Variants in ZNF277 observed in about 807,000 individuals in gnomAD.
The protein encoded by ZNF277 is nuclear receptor-interacting factor 4.
A neutral mutation model predicts 60.7 loss-of-function variants in ZNF277; 55 were observed. The ratio of observed to expected loss-of-function variants is 0.91; its 90% CI spans 0.73 to 1.13. ZNF277 has a LOEUF of 1.13. Among genes scored for constraint, ZNF277 ranks in the 50% most tolerant of loss-of-function variants. The probability of loss-of-function intolerance (pLI) is 0.00; values close to 1 mark genes in which losing one functional copy is unlikely to be tolerated. For synonymous variants in ZNF277, 178 were observed against 179.3 expected, an observed-to-expected ratio of 0.99 and a Z score of 0.06; for missense variants, 510 against 523.0, an observed-to-expected ratio of 0.98 and a Z score of 0.24.
intron 8 of ZNF277, among the ~76,000 whole-genome samples, chr7:112,336,936 T>G (rs115112395): frequency 0.017 from 2,604 of 152,300 alleles, 75 homozygotes; most frequent in African/African-American, 0.06. Context: ...GGTGGCTCCC[T>G]CCTGGATGGA....
chr7:112,311,973 T>G (rs1792742335), intron 4 of ZNF277, among the ~76,000 whole-genome samples: 1 of 152,060 alleles, frequency 6.6e-6, no homozygotes. Flanking sequence ...CTACCTAGAC[T>G]CCTATTAACT....
chr7:112,286,961 T>C lies in ZNF277; in HGVS notation c.180T>C (p.Cys60=). The C allele has an allele frequency of 6.2e-7, 1 of 1,613,858 alleles. No homozygotes were observed. The highest frequency in any genetic ancestry group is 8.5e-7 in the Non-Finnish European group (1 of 1,179,972). The part of the protein sequence containing the change: ...TTLEGSPSVP[C]IFCEEHFPVA... ...TAGAAGGTTCTCCATCTGTGCCTTGTATTTTCTGTGAAGAACATTTTCCTG... is the reference window on the plus strand; with the variant it reads ...TAGAAGGTTCTCCATCTGTGCCTTGCATTTTCTGTGAAGAACATTTTCCTG... Residue 60 remains cysteine (C), a synonymous_variant, in exon 2 of 12, where the codon TGT becomes TGC. Transcript: ENST00000361822.
intron 7 of ZNF277, among the ~76,000 whole-genome samples, chr7:112,331,192 G>A (rs1442835816): frequency 6.6e-6 from 1 of 152,126 alleles, no homozygotes; most frequent in Non-Finnish European, 1.5e-5. Context: ...TGGAGACAGT[G>A]GGGGATGGGG....
intron 6 of ZNF277, among the ~76,000 whole-genome samples, chr7:112,328,676 G>A (rs1793156820): frequency 6.6e-6 from 1 of 152,092 alleles, no homozygotes; most frequent in African/African-American, 2.4e-5. Context: ...TTTGAGACCA[G>A]CCTGACCAAC....
intron 1 of ZNF277, among the ~76,000 whole-genome samples, chr7:112,245,589 C>G (rs1362679130): frequency 6.6e-6 from 1 of 152,164 alleles, no homozygotes; most frequent in Non-Finnish European, 1.5e-5. Context: ...GGTTTCTTCT[C>G]GACTGTGAGG....
chr7:112,240,097 G>C (rs1017592485), intron 1 of ZNF277, among the ~76,000 whole-genome samples: 1 of 152,040 alleles, frequency 6.6e-6, no homozygotes, highest in Admixed American at 6.6e-5. Context: ...AAATCAAAAA[G>C]CCTACAACAG....
chr7:112,213,147 A>G (rs1173922744), intron 1 of ZNF277, among the ~76,000 whole-genome samples: 1 of 152,166 alleles, frequency 6.6e-6, no homozygotes, highest in African/African-American at 2.4e-5. Context: ...AATAAGTCTC[A>G]TGAGATCTGA....
At chr7:112,223,487 G>A (rs1335746828) in intron 1 of ZNF277, among the ~76,000 whole-genome samples, 1 of 152,220 alleles carries the variant, frequency 6.6e-6, no homozygotes, top group Non-Finnish European at 1.5e-5. Flanking sequence ...AGTTTTGGAA[G>A]AGGCCCAAAT....
At chr7:112,339,947 C>T in intron 10 of ZNF277, 62 bp downstream of exon 10, 1 of 1,464,058 alleles carries the variant, frequency 6.8e-7, no homozygotes, top group Middle Eastern at 1.7e-4. Context: ...ATCCTGTAAG[C>T]TATGCCTATG....
rs10710470 is a variant in ZNF277, at chr7:112,286,841, C to CTTTTTTTTTTTTTTTTTT, written c.92-30_92-13dup. The CTTTTTTTTTTTTTTTTTT allele has an allele frequency of 2.6e-4, 247 of 952,444 alleles. 25 individuals carry two copies. Among genetic ancestry groups the CTTTTTTTTTTTTTTTTTT allele is most frequent in the South Asian group, 1.4e-3 (70 of 48,854 alleles). The allele number at this position is 952,444 out of a possible 1,614,324, so 59.0% of individuals were successfully genotyped here. On this transcript the variant is annotated intron_variant, in intron 1 of 11. Coordinates refer to ENST00000361822, the MANE Select transcript of ZNF277 (RefSeq NM_021994.3). The stretch of plus-strand genomic sequence containing the variant: ...AGTTGGTTTCAGCTTTTCTTTCTTT[C>CTTTTTTTTTTTTTTTTTT]TTTTTTTTTTTTTTTTTTTGGTCTA...
intron 11 of ZNF277, among the ~76,000 whole-genome samples, chr7:112,341,569 T>C (rs1468275845): frequency 6.6e-6 from 1 of 152,228 alleles, no homozygotes; most frequent in East Asian, 1.9e-4. Context: ...GTTTGCACAC[T>C]GCTAGGACTT....
chr7:112,274,042 G>GATAT (rs35887204), intron 1 of ZNF277, among the ~76,000 whole-genome samples: 7 of 147,520 alleles, frequency 4.7e-5, no homozygotes, highest in East Asian at 2.0e-4. Context: ...TATAGTATGA[G>GATAT]ATATATATAT....
intron 1 of ZNF277, among the ~76,000 whole-genome samples, chr7:112,224,099 T>C (rs980260810): frequency 1.3e-5 from 2 of 152,130 alleles, no homozygotes; most frequent in African/African-American, 4.8e-5. Flanking sequence ...TACAGAGAAG[T>C]AGAGAGATCT....
At chr7:112,307,159 GC>G (rs1375553893) in intron 4 of ZNF277, among the ~76,000 whole-genome samples, 1 of 152,060 alleles carries the variant, frequency 6.6e-6, no homozygotes, top group Non-Finnish European at 1.5e-5. Flanking sequence ...ATGTCTCTTT[GC>G]CCTATTCCTA....
chr7:112,279,548 G>C (rs1331748791), intron 1 of ZNF277, among the ~76,000 whole-genome samples: 1 of 151,992 alleles, frequency 6.6e-6, no homozygotes, highest in Non-Finnish European at 1.5e-5. Flanking sequence ...GTTTATTTGG[G>C]TTTTATGCTA....
chr7:112,256,800 A>C (rs1328417037), intron 1 of ZNF277, among the ~76,000 whole-genome samples: 1 of 152,130 alleles, frequency 6.6e-6, no homozygotes, highest in Non-Finnish European at 1.5e-5. Flanking sequence ...TGCATGCTTG[A>C]GAGGTTTAGT....
intron 1 of ZNF277, among the ~76,000 whole-genome samples, chr7:112,282,385 C>T (rs558404361): frequency 1.3e-5 from 2 of 152,354 alleles, no homozygotes; most frequent in East Asian, 3.9e-4. Flanking sequence ...AACTTCTGAA[C>T]AGCTCAAGTG....
At chr7:112,223,744 C>T (rs1378387417) in intron 1 of ZNF277, among the ~76,000 whole-genome samples, 1 of 152,182 alleles carries the variant, frequency 6.6e-6, no homozygotes, top group Non-Finnish European at 1.5e-5. Flanking sequence ...CAGAGGACCT[C>T]CTATTCCACT....
intron 1 of ZNF277, among the ~76,000 whole-genome samples, chr7:112,254,633 T>C (rs1791269745): frequency 6.6e-6 from 1 of 152,222 alleles, no homozygotes; most frequent in Non-Finnish European, 1.5e-5. Context: ...AAAAGAAGTG[T>C]TTCCTAATCC....
Sources: gnomAD v4.1 joint callset for allele counts (sites outside exome capture counted in the v4.1 genomes callset) on GRCh38, gnomAD v4.1.1 for gene constraint, MANE v1.5 for transcripts, NCBI Gene and HGNC (gene_info 2026-07-23, HGNC 2026-07-21) for gene names.